Variants in KLF12 observed in about 807,000 individuals in gnomAD.
The protein encoded by KLF12 is KLF transcription factor 12.
In KLF12, 9 loss-of-function variants were observed where a neutral mutation model predicts 37.8. That is an observed-to-expected ratio of 0.24 (90% confidence interval 0.14 to 0.42). The LOEUF (loss-of-function observed/expected upper bound fraction) is 0.42, where lower values mean the gene tolerates loss of function less well. KLF12 is among the 10% of genes least tolerant of loss of function. KLF12 has a pLI of 1.00. For missense variants in KLF12, 411 were observed against 516.0 expected (o/e 0.80, Z 1.97); for synonymous variants, 208 against 202.1 (o/e 1.03, Z -0.25).
In KLF12 at chr13:74,086,225, C is replaced by T. The variant is rs985449589; in HGVS notation, c.-32+47514G>A. Among the ~76,000 whole-genome samples, 3 of 150,316 alleles carry T rather than the reference C, an allele frequency of 2.0e-5. No homozygotes were observed. The East Asian group carries it at 5.9e-4, about 30-fold the overall frequency. Reference sequence around the variant, plus strand: ...TGCTGGTGTGCTGCACCCATTAACTCGTCATTTAGCATTAGGTATATCTCC... The same window carrying T: ...TGCTGGTGTGCTGCACCCATTAACTTGTCATTTAGCATTAGGTATATCTCC... On this transcript the variant is annotated intron_variant, in intron 1 of 7. Coordinates refer to ENST00000377669, the MANE Select transcript of KLF12 (RefSeq NM_007249.5).
chr13:74,235,067 T>C, the KLF12 span, among the ~76,000 whole-genome samples: 1 of 152,210 alleles, frequency 6.6e-6, no homozygotes, highest in Non-Finnish European at 1.5e-5. Flanking sequence ...GTCACTTGCT[T>C]TCTGGTTTTT....
intron 3 of KLF12, among the ~76,000 whole-genome samples, chr13:73,856,824 T>A (rs1164459608): frequency 6.6e-6 from 1 of 151,838 alleles, no homozygotes; most frequent in Non-Finnish European, 1.5e-5. Flanking sequence ...CCGTCTCTAC[T>A]AAAAATACAA....
At chr13:73,859,832 C>T (rs559824139) in intron 3 of KLF12, among the ~76,000 whole-genome samples, 1 of 151,706 alleles carries the variant, frequency 6.6e-6, no homozygotes, top group South Asian at 2.1e-4. Flanking sequence ...AATCCGAAAC[C>T]AAAAACCTCA....
intron 1 of KLF12, among the ~76,000 whole-genome samples, chr13:74,133,729 C>T (rs1188091970): frequency 6.6e-6 from 1 of 151,108 alleles, no homozygotes; most frequent in East Asian, 1.9e-4. Context: ...GAAACGGAAT[C>T]GGCACAGACC....
intron 3 of KLF12, among the ~76,000 whole-genome samples, chr13:73,867,608 G>GGA (rs1555317193): frequency 4.6e-4 from 70 of 150,832 alleles, no homozygotes; most frequent in Non-Finnish European, 1.5e-4. Flanking sequence ...AAGACAGGGG[G>GGA]AAAAAAAAAT....
intron 2 of KLF12, among the ~76,000 whole-genome samples, chr13:73,958,315 C>A (rs1477754659): frequency 1.3e-5 from 2 of 151,818 alleles, no homozygotes; most frequent in Non-Finnish European, 2.9e-5. Flanking sequence ...GCGATCTCGG[C>A]TCACTGCAGC....
At chr13:73,926,844 C>T (rs1179518986) in intron 3 of KLF12, among the ~76,000 whole-genome samples, 2 of 151,094 alleles carry the variant, frequency 1.3e-5, no homozygotes, top group African/African-American at 4.9e-5. Flanking sequence ...TGTATCATTT[C>T]AGTAAAATGG....
chr13:73,913,775 T>C (rs1016828370), intron 3 of KLF12, among the ~76,000 whole-genome samples: 1 of 152,226 alleles, frequency 6.6e-6, no homozygotes, highest in Admixed American at 6.5e-5. Context: ...AATATCACCT[T>C]CATTATATTT....
chr13:74,284,611 C>A, the KLF12 span, among the ~76,000 whole-genome samples: 1 of 152,180 alleles, frequency 6.6e-6, no homozygotes, highest in Non-Finnish European at 1.5e-5. Context: ...CCAGTTCCTT[C>A]TGGCTGTGCT....
chr13:74,011,239 CAAAA>C (rs58892976), intron 1 of KLF12, among the ~76,000 whole-genome samples: 11 of 56,130 alleles, frequency 2.0e-4, no homozygotes, highest in African/African-American at 4.5e-4. Context: ...CAAGTCAGAG[CAAAA>C]AAAAAAAAAA....
At chr13:74,155,510 C>T in the KLF12 span, among the ~76,000 whole-genome samples, 26 of 151,992 alleles carry the variant, frequency 1.7e-4, no homozygotes, top group African/African-American at 6.3e-4. Flanking sequence ...TACAAGCACC[C>T]GCCACCATGC....
chr13:73,776,184 T>C (rs1467276617), intron 5 of KLF12, among the ~76,000 whole-genome samples: 1 of 152,154 alleles, frequency 6.6e-6, no homozygotes, highest in Non-Finnish European at 1.5e-5. Flanking sequence ...AAGTCTCAGT[T>C]TGTTTTTCTT....
intron 3 of KLF12, among the ~76,000 whole-genome samples, chr13:73,896,376 CA>C (rs1887770007): frequency 6.6e-6 from 1 of 151,764 alleles, no homozygotes; most frequent in African/African-American, 2.4e-5. Flanking sequence ...AGATTTTTTT[CA>C]AAAGCAATGG....
At chr13:73,819,687 C>T (rs1883418195) in intron 4 of KLF12, among the ~76,000 whole-genome samples, 2 of 152,040 alleles carry the variant, frequency 1.3e-5, no homozygotes, top group Admixed American at 6.6e-5. Flanking sequence ...ATAGTAAGTG[C>T]CATATAGAAA....
At chr13:73,806,812 C>T (rs1882660419) in intron 5 of KLF12, among the ~76,000 whole-genome samples, 1 of 152,068 alleles carries the variant, frequency 6.6e-6, no homozygotes, top group Admixed American at 6.6e-5. Context: ...AAAGTTGCCT[C>T]TTAGTAACAG....
At position 73,691,550 on chromosome 13, in the gene KLF12, A is replaced by G. The variant is rs938567160; in HGVS notation, c.*3940T>C. The G allele has an allele frequency of 6.6e-6, 1 of 152,646 alleles. No homozygotes were observed. The highest frequency in any genetic ancestry group is 2.4e-5 in the African/African-American group (1 of 41,460). The allele number at this position is 152,646 out of a possible 1,614,324, so 9.5% of individuals were successfully genotyped here. A position where few individuals can be genotyped will look rare whatever the true frequency, so the allele number is the denominator to read the frequency against. ...CGCAGACTGTAACATGGATGCTGGT[A>G]TTCTTAACACTGCTTAATTTCTGTC... On this transcript the variant is annotated 3_prime_UTR_variant, in exon 8 of 8. Coordinates refer to ENST00000377669, the MANE Select transcript of KLF12 (RefSeq NM_007249.5).
intron 1 of KLF12, among the ~76,000 whole-genome samples, chr13:74,060,504 G>GTGTT (rs1555336679): frequency 6.6e-6 from 1 of 150,570 alleles, no homozygotes; most frequent in Non-Finnish European, 1.5e-5. Flanking sequence ...GTGTGTGTGT[G>GTGTT]TGTGTGTGTG....
the KLF12 span, among the ~76,000 whole-genome samples, chr13:74,191,578 C>T: frequency 6.6e-6 from 1 of 152,082 alleles, no homozygotes; most frequent in Non-Finnish European, 1.5e-5. Flanking sequence ...TCTCTTGTGA[C>T]AAGGAAGTAA....
intron 1 of KLF12, among the ~76,000 whole-genome samples, chr13:74,039,347 G>A (rs1893342646): frequency 1.3e-5 from 2 of 152,126 alleles, no homozygotes; most frequent in Admixed American, 1.3e-4. Context: ...ACCAGCCTGG[G>A]CAACACAGCA....
Sources: gnomAD v4.1 joint callset for allele counts (sites outside exome capture counted in the v4.1 genomes callset) on GRCh38, gnomAD v4.1.1 for gene constraint, MANE v1.5 for transcripts, NCBI Gene and HGNC (gene_info 2026-07-23, HGNC 2026-07-21) for gene names.